The following ACSBG2 variants were observed in gnomAD, a reference collection of about 807,000 sequenced individuals.
ACSBG2 encodes long-chain-fatty-acid--CoA ligase ACSBG2.
In ACSBG2, 62 loss-of-function variants were observed where a neutral mutation model predicts 74.7. The observed-to-expected ratio is 0.83, with a 90% confidence interval of 0.68 to 1.03. The LOEUF (loss-of-function observed/expected upper bound fraction) is 1.03. ACSBG2 is among the 50% of genes least tolerant of loss of function. The pLI is 0.00. For missense variants in ACSBG2, 730 were observed against 817.6 expected, an observed-to-expected ratio of 0.89 and a Z score of 1.31; for synonymous variants, 309 against 294.1, an observed-to-expected ratio of 1.05 and a Z score of -0.52.
intron 6 of ACSBG2, among the ~76,000 whole-genome samples, chr19:6,162,256 C>G (rs2089646891): frequency 1.0e-5 from 1 of 99,514 alleles, no homozygotes; most frequent in Non-Finnish European, 1.9e-5. Context: ...CAGAGTGAGA[C>G]TCTGTCTCAA....
intron 11 of ACSBG2, among the ~76,000 whole-genome samples, chr19:6,186,751 C>G (rs1012343701): frequency 1.3e-5 from 2 of 152,172 alleles, no homozygotes; most frequent in South Asian, 2.1e-4. Context: ...GTTGGCCAGG[C>G]TGGAATGCAG....
intron 2 of ACSBG2, among the ~76,000 whole-genome samples, chr19:6,142,488 C>T (rs980775923): frequency 2.0e-4 from 30 of 151,974 alleles, no homozygotes; most frequent in African/African-American, 7.0e-4. Context: ...TGCGGTGGCT[C>T]ACACCCGTAA....
At chr19:6,138,606 A>G (rs61006516) in intron 1 of ACSBG2, among the ~76,000 whole-genome samples, 1,399 of 125,440 alleles carry the variant, frequency 0.011, 33 homozygotes, top group African/African-American at 0.044. Flanking sequence ...GAGAGGGAGG[A>G]AGGAAGGAAG....
At chr19:6,188,160 G>T (rs76448953) in intron 13 of ACSBG2, among the ~76,000 whole-genome samples, 12,701 of 152,192 alleles carry the variant, frequency 0.083, 930 homozygotes, top group African/African-American at 0.2. Context: ...GCACCTGCCA[G>T]TCTGCCTCCC....
intron 10 of ACSBG2, among the ~76,000 whole-genome samples, chr19:6,183,678 A>T (rs1051523741): frequency 1.3e-5 from 2 of 152,092 alleles, no homozygotes; most frequent in Non-Finnish European, 2.9e-5. Context: ...AAGAATACCA[A>T]ATTGAGGTTC....
chr19:6,147,743 A>C, intron 3 of ACSBG2, 68 bp downstream of exon 3: 3 of 1,493,726 alleles, frequency 2.0e-6, no homozygotes, highest in Admixed American at 1.7e-5. Flanking sequence ...ACATACATAC[A>C]TGTGGTACAA....
rs149452304 is a variant in ACSBG2 at position 6,158,371 on chromosome 19, C to G, written c.507+1820C>G. Among the ~76,000 whole-genome samples the G allele has an allele frequency of 2.2e-3, 339 of 151,048 alleles. 1 individual carries two copies. The highest frequency in any genetic ancestry group is 3.8e-3 in the Non-Finnish European group (261 of 67,812). On this transcript the variant is annotated intron_variant, in intron 5 of 14. Coordinates refer to ENST00000588485, the MANE Select transcript of ACSBG2 (RefSeq NM_030924.5). ...TGCACCTGGCCTTGGTTACAATTTT[C>G]TTTTGCATTGTGTTGAAATTATCCA... is the stretch of plus-strand genomic sequence containing the variant.
At chr19:6,181,044 TAAAAAAAA>T (rs113174172) in intron 8 of ACSBG2, among the ~76,000 whole-genome samples, 2 of 100,038 alleles carry the variant, frequency 2.0e-5, no homozygotes, top group African/African-American at 6.9e-5. Context: ...CCGTCTCTAC[TAAAAAAAA>T]AAAAAAAAAA....
At chr19:6,151,931 C>G in intron 4 of ACSBG2, 136 bp downstream of exon 4, 2 of 722,126 alleles carry the variant, frequency 2.8e-6, no homozygotes, top group South Asian at 3.5e-5. Context: ...GATAGATGCA[C>G]GAACAAATCA....
At chr19:6,138,626 GAAGA>G (rs1216407439) in intron 1 of ACSBG2, among the ~76,000 whole-genome samples, 1 of 26,492 alleles carries the variant, frequency 3.8e-5, no homozygotes, top group Non-Finnish European at 7.9e-5. Context: ...GGAAGGGGAG[GAAGA>G]AAGAAAGGAA....
At chr19:6,141,430 A>ATGACC in intron 1 of ACSBG2, 83 bp from the exon 2 acceptor site, 1 of 723,938 alleles carries the variant, frequency 1.4e-6, no homozygotes. Context: ...CTAGGCAGAC[A>ATGACC]TGACCAGTGG....
chr19:6,144,885 G>A (rs530046975), intron 2 of ACSBG2, among the ~76,000 whole-genome samples: 191 of 152,004 alleles, frequency 1.3e-3, no homozygotes, highest in Non-Finnish European at 2.2e-3. Context: ...TAATAGAGAC[G>A]AGGTTTCACT....
At chr19:6,188,880 C>T (rs753673448) in intron 13 of ACSBG2, among the ~76,000 whole-genome samples, 27 of 152,256 alleles carry the variant, frequency 1.8e-4, no homozygotes, top group Non-Finnish European at 2.9e-4. Flanking sequence ...GATCAGTGGG[C>T]ATCAGTAGTT....
At chr19:6,138,104 T>C (rs1041526502) in intron 1 of ACSBG2, among the ~76,000 whole-genome samples, 2 of 152,178 alleles carry the variant, frequency 1.3e-5, no homozygotes, top group African/African-American at 4.8e-5. Flanking sequence ...TCGTGGGTAG[T>C]TTTAAAGCAA....
intron 2 of ACSBG2, among the ~76,000 whole-genome samples, chr19:6,144,144 C>T (rs1412996374): frequency 1.3e-5 from 2 of 152,160 alleles, no homozygotes; most frequent in Admixed American, 1.3e-4. Context: ...ACAACAGGCG[C>T]GTGCCACCAC....
intron 5 of ACSBG2, chr19:6,160,436 G>T (rs928691597): frequency 6.6e-6 from 1 of 152,048 alleles, no homozygotes; most frequent in African/African-American, 2.4e-5. Context: ...AATCCCGCAG[G>T]TCACCTGAAC....
rs546045899 is a variant in ACSBG2, at chr19:6,181,438, G to A, written c.907-1313G>A. Among the ~76,000 whole-genome samples the A allele has an allele frequency of 9.2e-5, 14 of 152,092 alleles. No homozygotes were observed. The East Asian group carries it at 2.1e-3, about 23-fold the overall frequency. On this transcript the variant is annotated intron_variant, in intron 8 of 14. Transcript: ENST00000588485. Reference sequence around the variant, plus strand: ...TCTAATCTCATTGTTGAGTGTTAAGGGTTCTTTATATATTCTGGTTACAAA... The same window carrying A: ...TCTAATCTCATTGTTGAGTGTTAAGAGTTCTTTATATATTCTGGTTACAAA...
intron 5 of ACSBG2, among the ~76,000 whole-genome samples, chr19:6,158,452 T>TTTTC (rs1255966323): frequency 6.6e-6 from 1 of 152,058 alleles, no homozygotes; most frequent in East Asian, 1.9e-4. Flanking sequence ...TTTTTTTTTT[T>TTTTC]TTTCATTGTA....
At position 6,151,751 on chromosome 19, in the gene ACSBG2, C is replaced by T; in HGVS notation, c.342C>T (p.Asn114=). 6.2e-7 allele frequency: 1 copy of T among 1,603,630 alleles called. No homozygotes were observed. Among genetic ancestry groups the T allele is most frequent in the Non-Finnish European group, 8.5e-7 (1 of 1,174,914 alleles). ...RFHGVGILGF[N]SAEWFITAVG... ...ACGGAGTTGGTATCCTGGGGTTTAA[C>T]TCTGCAGAGTGGTTTATCACTGCTG... is the stretch of plus-strand genomic sequence containing the variant. The change falls in exon 4 of 15, where the codon AAC becomes AAT. Residue 114 remains asparagine (N), a synonymous_variant. Transcript: ENST00000588485.
Sources: allele counts gnomAD v4.1 joint callset (sites outside exome capture counted in the v4.1 genomes callset), GRCh38; gene constraint gnomAD v4.1.1; transcripts MANE v1.5; gene names NCBI Gene and HGNC (gene_info 2026-07-23, HGNC 2026-07-21).